Variants in KIF21A observed in about 807,000 individuals in gnomAD.
The protein encoded by KIF21A is kinesin-like protein KIF21A.
In KIF21A, 114 loss-of-function variants were observed where a neutral mutation model predicts 202.9. The ratio of observed to expected loss-of-function variants is 0.56; its 90% confidence interval spans 0.48 to 0.66. The LOEUF is 0.66. Ranked by LOEUF, KIF21A falls within the 30% of genes least tolerant of loss-of-function variation. KIF21A has a pLI of 0.00. For synonymous variants in KIF21A, 667 were observed against 670.8 expected (o/e 0.99, Z 0.09); for missense variants, 1,677 against 1,994.9 (o/e 0.84, Z 3.04).
chr12:39,335,372 T>A lies in KIF21A; in HGVS notation c.2418+1724A>T, dbSNP rs182561650. 1.4e-3 allele frequency among the ~76,000 whole-genome samples: 200 copies of A among 146,364 alleles called. 1 individual carries two copies. Among genetic ancestry groups the A allele is most frequent in the Non-Finnish European group, 1.9e-3 (126 of 67,262 alleles). ...GGTTAGAGTGAGCCAAGATCATGCA[T>A]TGCACTCCAGCCTGGGCGACAAAGT... On this transcript the variant is annotated intron_variant, in intron 17 of 37. Coordinates refer to ENST00000361418, the MANE Select transcript of KIF21A (RefSeq NM_001173464.2).
At chr12:39,413,920 AT>A (rs1028279064) in intron 1 of KIF21A, among the ~76,000 whole-genome samples, 3 of 152,172 alleles carry the variant, frequency 2.0e-5, no homozygotes, top group African/African-American at 7.2e-5. Flanking sequence ...TAAAAAAAAA[AT>A]GTAATATTTG....
chr12:39,438,446 G>C (rs1263827485), intron 1 of KIF21A, among the ~76,000 whole-genome samples: 1 of 152,098 alleles, frequency 6.6e-6, no homozygotes, highest in Non-Finnish European at 1.5e-5. Context: ...AACCAGCATT[G>C]GGAAAAAGAA....
At chr12:39,337,254 A>G (rs1184027109) in intron 16 of KIF21A, 51 bp from the exon 17 acceptor site, 3 of 1,140,664 alleles carry the variant, frequency 2.6e-6, no homozygotes, top group Non-Finnish European at 4.0e-6. Context: ...CACAACATTC[A>G]TTAAATCAAC....
intron 1 of KIF21A, among the ~76,000 whole-genome samples, chr12:39,438,092 T>G (rs1469226372): frequency 6.6e-6 from 1 of 152,140 alleles, no homozygotes; most frequent in African/African-American, 2.4e-5. Flanking sequence ...TAGTGGTGAA[T>G]AAACCTTGAG....
intron 1 of KIF21A, among the ~76,000 whole-genome samples, chr12:39,420,074 T>TAAAAAAAAAAA (rs72435342): frequency 4.8e-5 from 4 of 83,124 alleles, no homozygotes; most frequent in African/African-American, 1.3e-4. Context: ...AGACAGAAAG[T>TAAAAAAAAAAA]AAAAAAAAAA....
rs111513789 is a variant in KIF21A, at chr12:39,387,061, GA to G, written c.45-16801del. ...TTTAAATCCAGAATTTTTAGCTGGG[GA>G]AAAAAAAAAAACTATCTTCAGCCAT... On this transcript the variant is annotated intron_variant, in intron 1 of 37. Coordinates refer to ENST00000361418, the MANE Select transcript of KIF21A (RefSeq NM_001173464.2). 3.9e-3 allele frequency among the ~76,000 whole-genome samples: 540 copies of G among 139,508 alleles called. 2 individuals are homozygous for G. Among genetic ancestry groups the G allele is most frequent in the African/African-American group, 0.012 (447 of 38,260 alleles). The allele number at this position is 139,508 out of a possible 152,430, so 91.5% of individuals were successfully genotyped here. A position where few individuals can be genotyped will look rare whatever the true frequency, so the allele number is the denominator to read the frequency against.
chr12:39,354,287 T>C (rs1021081670), intron 10 of KIF21A, among the ~76,000 whole-genome samples: 1 of 152,264 alleles, frequency 6.6e-6, no homozygotes, highest in African/African-American at 2.4e-5. Context: ...CTTTTTAACA[T>C]TGAAAAATGT....
intron 7 of KIF21A, among the ~76,000 whole-genome samples, chr12:39,361,816 T>C (rs1002672416): frequency 7.9e-5 from 12 of 152,214 alleles, no homozygotes; most frequent in African/African-American, 2.9e-4. Context: ...AAAACAGAAC[T>C]TTATTTCTAA....
chr12:39,422,285 G>A (rs1352715318), intron 1 of KIF21A, among the ~76,000 whole-genome samples: 1 of 151,900 alleles, frequency 6.6e-6, no homozygotes, highest in African/African-American at 2.4e-5. Flanking sequence ...TACAATCAGA[G>A]AAAAATAGTT....
intron 14 of KIF21A, 107 bp downstream of exon 14, chr12:39,341,398 A>C (rs966375273): frequency 3.6e-6 from 4 of 1,097,006 alleles, no homozygotes; most frequent in Non-Finnish European, 5.4e-6. Context: ...CAGTGGTCAC[A>C]GAAGTTTCTT....
intron 11 of KIF21A, among the ~76,000 whole-genome samples, chr12:39,349,672 AGT>A (rs1003354771): frequency 1.3e-5 from 2 of 152,104 alleles, no homozygotes; most frequent in African/African-American, 4.8e-5. Flanking sequence ...TACAGTTAAA[AGT>A]TATTGGGATC....
chr12:39,423,054 T>C (rs1056764530), intron 1 of KIF21A, among the ~76,000 whole-genome samples: 4 of 152,234 alleles, frequency 2.6e-5, no homozygotes, highest in Non-Finnish European at 5.9e-5. Flanking sequence ...TGAGTTAATA[T>C]GTGTTTAGAG....
At chr12:39,301,265 C>T (rs2137114800) in intron 37 of KIF21A, among the ~76,000 whole-genome samples, 1 of 152,284 alleles carries the variant, frequency 6.6e-6, no homozygotes, top group African/African-American at 2.4e-5. Context: ...AAGCAGAGTG[C>T]TATACAGGAG....
At chr12:39,339,701 C>T (rs1408456188) in intron 16 of KIF21A, among the ~76,000 whole-genome samples, 2 of 152,094 alleles carry the variant, frequency 1.3e-5, no homozygotes, top group Non-Finnish European at 2.9e-5. Context: ...ATTAGTGCTT[C>T]TCTAAGTATA....
At chr12:39,432,380 T>G (rs1047925248) in intron 1 of KIF21A, among the ~76,000 whole-genome samples, 1 of 152,132 alleles carries the variant, frequency 6.6e-6, no homozygotes, top group African/African-American at 2.4e-5. Flanking sequence ...TAAACACTCT[T>G]TGGTAAAGTC....
intron 21 of KIF21A, 100 bp from the exon 22 acceptor site, chr12:39,331,891 C>T (rs1946539965): frequency 1.1e-6 from 1 of 906,434 alleles, no homozygotes; most frequent in East Asian, 2.4e-5. Flanking sequence ...ATTGGGTTAG[C>T]TAATGAGATG....
At chr12:39,308,387 CAA>C (rs751997520) in intron 33 of KIF21A, among the ~76,000 whole-genome samples, 2 of 123,146 alleles carry the variant, frequency 1.6e-5, no homozygotes, top group Admixed American at 8.5e-5. Flanking sequence ...GACTCCGTCT[CAA>C]AAAAAAAAAA....
chr12:39,412,414 A>C (rs2140071427), intron 1 of KIF21A, among the ~76,000 whole-genome samples: 1 of 152,282 alleles, frequency 6.6e-6, no homozygotes, highest in Middle Eastern at 3.4e-3. Flanking sequence ...GGATGAAAGG[A>C]CTTGTTGAAA....
chr12:39,437,157 G>A (rs1364599431), intron 1 of KIF21A, among the ~76,000 whole-genome samples: 1 of 152,142 alleles, frequency 6.6e-6, no homozygotes, highest in African/African-American at 2.4e-5. Context: ...GCATATTATA[G>A]TATTAACTGC....
Sources: gnomAD v4.1 joint callset for allele counts (sites outside exome capture counted in the v4.1 genomes callset) on GRCh38, gnomAD v4.1.1 for gene constraint, MANE v1.5 for transcripts, NCBI Gene and HGNC (gene_info 2026-07-23, HGNC 2026-07-21) for gene names.